MCPH1: variants seen among roughly 807,000 people sequenced by gnomAD.
The protein encoded by MCPH1 is microcephalin.
In MCPH1, 104 loss-of-function variants were observed where a neutral mutation model predicts 84.5. That is an observed-to-expected ratio of 1.23 (90% CI 1.05 to 1.45). The LOEUF (loss-of-function observed/expected upper bound fraction) is 1.45. Ranked by LOEUF, MCPH1 falls within the 40% of genes most tolerant of loss-of-function variation. MCPH1 has a pLI of 0.00. For missense variants in MCPH1, 1,498 were observed against 1,005.7 expected, an observed-to-expected ratio of 1.49 and a Z score of -6.62; for synonymous variants, 514 against 366.8, an observed-to-expected ratio of 1.40 and a Z score of -4.58.
intron 12 of MCPH1, among the ~76,000 whole-genome samples, chr8:6,546,006 C>T (rs1490416983): frequency 6.6e-6 from 1 of 152,218 alleles, no homozygotes; most frequent in Non-Finnish European, 1.5e-5. Context: ...ATTACAGATT[C>T]ATCATTACAG....
intron 12 of MCPH1, chr8:6,521,322 A>G: frequency 5.0e-6 from 8 of 1,613,826 alleles, no homozygotes; most frequent in Non-Finnish European, 6.8e-6. Context: ...TTGGATACTA[A>G]CACCTGTAGC....
At chr8:6,637,235 C>A (rs1797620848) in intron 13 of MCPH1, among the ~76,000 whole-genome samples, 1 of 152,104 alleles carries the variant, frequency 6.6e-6, no homozygotes, top group South Asian at 2.1e-4. Context: ...AGAAGACAGG[C>A]AGCAAACAAT....
chr8:6,642,384 C>T (rs756613135), intron 13 of MCPH1, among the ~76,000 whole-genome samples: 52 of 152,234 alleles, frequency 3.4e-4, no homozygotes, highest in South Asian at 1.5e-3. Context: ...GCACCTGCAG[C>T]GCTATCCTGG....
At chr8:6,609,821 C>CG (rs1554476397) in intron 12 of MCPH1, among the ~76,000 whole-genome samples, 13 of 61,472 alleles carry the variant, frequency 2.1e-4, no homozygotes, top group African/African-American at 2.8e-4. Flanking sequence ...TGCCCCCCGC[C>CG]CCCCCCCCAC....
chr8:6,598,750 G>A (rs539154878), intron 12 of MCPH1, among the ~76,000 whole-genome samples: 2 of 152,244 alleles, frequency 1.3e-5, no homozygotes, highest in African/African-American at 2.4e-5. Context: ...CCCCCTGCGT[G>A]GTGGGACTAA....
intron 12 of MCPH1, among the ~76,000 whole-genome samples, chr8:6,513,140 G>A (rs1815513259): frequency 6.6e-6 from 1 of 152,156 alleles, no homozygotes; most frequent in East Asian, 1.9e-4. Flanking sequence ...AGGCTTTGAA[G>A]ATACACAGTA....
intron 12 of MCPH1, among the ~76,000 whole-genome samples, chr8:6,590,763 T>A (rs1315026992): frequency 6.6e-6 from 1 of 152,242 alleles, no homozygotes; most frequent in Non-Finnish European, 1.5e-5. Context: ...ATGATGGTGA[T>A]CTCTGCTTCA....
At chr8:6,429,256 G>C (rs1034131012) in intron 3 of MCPH1, among the ~76,000 whole-genome samples, 3 of 152,080 alleles carry the variant, frequency 2.0e-5, no homozygotes, top group African/African-American at 7.2e-5. Context: ...GGTGTCCTTT[G>C]AGTCCAGAGC....
rs1330576842 is a variant in MCPH1 at position 6,503,626 on chromosome 8, T to G, written c.2214+3697T>G. On this transcript the variant is annotated intron_variant, in intron 12 of 13. Transcript: ENST00000344683. The stretch of plus-strand genomic sequence containing the variant: ...AAAACTCTCCTTCAACCAGGATTAC[T>G]TTGCAGTCCCAGCAACATGGTGGGC... Among the ~76,000 whole-genome samples the G allele has an allele frequency of 3.9e-5, 6 of 152,186 alleles. No homozygotes were observed. The East Asian group carries it at 1.2e-3, about 29-fold the overall frequency.
rs927460438 is a variant in MCPH1 at position 6,450,505 on chromosome 8, A to G, written c.1826-4638A>G. ...GATACCACCTCCAGGGATACCAGCC[A>G]CAACTCATACTAGATGGTTATGCTC... On this transcript the variant is annotated intron_variant, in intron 8 of 13. Coordinates refer to ENST00000344683, the MANE Select transcript of MCPH1 (RefSeq NM_024596.5). Among the ~76,000 whole-genome samples, 88 of 149,348 alleles carry G rather than the reference A, an allele frequency of 5.9e-4. 1 individual carries two copies. Among genetic ancestry groups the G allele is most frequent in the Non-Finnish European group, 2.7e-4 (18 of 67,514 alleles).
At chr8:6,561,296 A>G (rs1825499599) in intron 12 of MCPH1, among the ~76,000 whole-genome samples, 1 of 152,236 alleles carries the variant, frequency 6.6e-6, no homozygotes, top group Non-Finnish European at 1.5e-5. Context: ...TCTACATTTG[A>G]TAGGTCATTT....
intron 9 of MCPH1, among the ~76,000 whole-genome samples, chr8:6,462,631 T>A (rs1806406103): frequency 6.6e-6 from 1 of 152,210 alleles, no homozygotes; most frequent in African/African-American, 2.4e-5. Flanking sequence ...GCCAGATGCC[T>A]GGGTTCAGTC....
intron 12 of MCPH1, among the ~76,000 whole-genome samples, chr8:6,568,982 GA>G (rs1826446798): frequency 6.6e-6 from 1 of 152,236 alleles, no homozygotes; most frequent in South Asian, 2.1e-4. Context: ...TTTGCAGACA[GA>G]GGGGCACACT....
At chr8:6,452,492 A>G (rs1446227697) in intron 8 of MCPH1, among the ~76,000 whole-genome samples, 3 of 152,234 alleles carry the variant, frequency 2.0e-5, no homozygotes, top group Non-Finnish European at 4.4e-5. Context: ...AAATGAGAGG[A>G]AGATATATGG....
At chr8:6,523,271 A>G (rs770049937) in intron 12 of MCPH1, among the ~76,000 whole-genome samples, 9 of 152,178 alleles carry the variant, frequency 5.9e-5, no homozygotes, top group African/African-American at 2.2e-4. Context: ...TGCTGGGATT[A>G]CAGGCATGAG....
intron 3 of MCPH1, among the ~76,000 whole-genome samples, chr8:6,417,253 G>A (rs1164840739): frequency 2.0e-5 from 3 of 152,102 alleles, no homozygotes; most frequent in African/African-American, 7.2e-5. Flanking sequence ...GTATACCAGG[G>A]ATTGGTAAAG....
chr8:6,535,237 A>T (rs1012679862), intron 12 of MCPH1, among the ~76,000 whole-genome samples: 3 of 152,196 alleles, frequency 2.0e-5, no homozygotes, highest in African/African-American at 7.2e-5. Context: ...GCCTTCCCCC[A>T]TTTCTAGAGC....
intron 12 of MCPH1, among the ~76,000 whole-genome samples, chr8:6,545,935 T>C (rs1822504312): frequency 1.3e-5 from 2 of 152,200 alleles, no homozygotes; most frequent in South Asian, 4.1e-4. Context: ...ATAAAATAAC[T>C]TTGTTCATAT....
intron 12 of MCPH1, among the ~76,000 whole-genome samples, chr8:6,595,135 G>GA (rs1186533614): frequency 6.6e-6 from 1 of 152,134 alleles, no homozygotes; most frequent in Non-Finnish European, 1.5e-5. Flanking sequence ...AAACAGAGAT[G>GA]ATTGATTGAT....
Sources: allele counts gnomAD v4.1 joint callset (sites outside exome capture counted in the v4.1 genomes callset), GRCh38; gene constraint gnomAD v4.1.1; transcripts MANE v1.5; gene names NCBI Gene and HGNC (gene_info 2026-07-23, HGNC 2026-07-21).